The following PLA2G5 variants were observed in gnomAD, a reference collection of about 807,000 sequenced individuals.
PLA2G5 encodes phospholipase A2 group V.
A neutral mutation model predicts 15.9 loss-of-function variants in PLA2G5; 12 were observed. The ratio of observed to expected loss-of-function variants is 0.76; its 90% CI spans 0.48 to 1.23. The LOEUF is 1.23. PLA2G5 is among the 50% of genes most tolerant of loss of function. The probability of loss-of-function intolerance (pLI) is 0.00; values close to 1 mark genes in which losing one functional copy is unlikely to be tolerated. For missense variants in PLA2G5, 169 were observed against 177.1 expected, an observed-to-expected ratio of 0.95 and a Z score of 0.26; for synonymous variants, 71 against 71.4, an observed-to-expected ratio of 0.99 and a Z score of 0.03.
At chr1:20,029,076 C>T (rs536032953) in intron 1 of PLA2G5, among the ~76,000 whole-genome samples, 11 of 152,310 alleles carry the variant, frequency 7.2e-5, no homozygotes, top group South Asian at 4.1e-4. Flanking sequence ...GTTGCAAGGA[C>T]AGAGGGCTTT....
chr1:20,084,286 C>T (rs2100613063), intron 1 of PLA2G5, among the ~76,000 whole-genome samples: 1 of 152,280 alleles, frequency 6.6e-6, no homozygotes, highest in Admixed American at 6.5e-5. Flanking sequence ...AAAGAACCAT[C>T]AGGGTAGACA....
In PLA2G5 at chr1:20,084,835, A is replaced by G; in HGVS notation, c.5A>G (p.Lys2Arg). The change falls in exon 2 of 5, where the codon AAA becomes AGA. Residue 2 changes from lysine (K) to arginine (R), a missense_variant. Lys to Arg is a conservative substitution (Grantham distance 26). Coordinates refer to ENST00000375108, the MANE Select transcript of PLA2G5 (RefSeq NM_000929.3). M[K>R]GLLPLAWFLA... ...TTTTTTTCCAGAACCCCAGAGATGA[A>G]AGGCCTCCTCCCACTGGCTTGGTTC... is the stretch of plus-strand genomic sequence containing the variant. 6.2e-7 allele frequency: 1 copy of G among 1,610,370 alleles called. No individual in the cohort carries two copies. Among genetic ancestry groups the G allele is most frequent in the Non-Finnish European group, 8.5e-7 (1 of 1,176,656 alleles).
intron 1 of PLA2G5, among the ~76,000 whole-genome samples, chr1:20,078,210 CT>C (rs769358975): frequency 6.6e-6 from 1 of 152,080 alleles, no homozygotes; most frequent in Non-Finnish European, 1.5e-5. Context: ...CTATGCCAGG[CT>C]TTGGGGGTCC....
At chr1:20,074,706 C>G (rs1255586251) in intron 1 of PLA2G5, among the ~76,000 whole-genome samples, 1 of 152,230 alleles carries the variant, frequency 6.6e-6, no homozygotes, top group African/African-American at 2.4e-5. Flanking sequence ...ACAGCTCATT[C>G]AATTCCCAGG....
chr1:20,077,965 A>G (rs1318309655), intron 1 of PLA2G5, among the ~76,000 whole-genome samples: 1 of 152,192 alleles, frequency 6.6e-6, no homozygotes, highest in African/African-American at 2.4e-5. Flanking sequence ...CTGAACTCGA[A>G]TGAGCTCATC....
chr1:20,037,537 G>A (rs2013325640), intron 1 of PLA2G5, among the ~76,000 whole-genome samples: 1 of 152,198 alleles, frequency 6.6e-6, no homozygotes, highest in Non-Finnish European at 1.5e-5. Flanking sequence ...AATGCTGGTT[G>A]TGCTAGCAGT....
At chr1:20,059,299 A>G (rs1280678327) in intron 1 of PLA2G5, among the ~76,000 whole-genome samples, 2 of 152,104 alleles carry the variant, frequency 1.3e-5, no homozygotes, top group Non-Finnish European at 2.9e-5. Flanking sequence ...GTGGTGGCAC[A>G]TGCCTGTAGT....
chr1:20,050,569 C>T (rs2014132712), intron 1 of PLA2G5, among the ~76,000 whole-genome samples: 1 of 152,092 alleles, frequency 6.6e-6, no homozygotes, highest in South Asian at 2.1e-4. Context: ...TTATAAAAGG[C>T]TTATGGAAAT....
At chr1:20,087,640 C>A (rs892721282) in intron 3 of PLA2G5, among the ~76,000 whole-genome samples, 4 of 152,050 alleles carry the variant, frequency 2.6e-5, no homozygotes, top group Non-Finnish European at 5.9e-5. Context: ...ATGCCTAGAT[C>A]TAGTTTCCAA....
At chr1:20,040,812 A>G (rs2013546885) in intron 1 of PLA2G5, among the ~76,000 whole-genome samples, 1 of 152,196 alleles carries the variant, frequency 6.6e-6, no homozygotes, top group Non-Finnish European at 1.5e-5. Flanking sequence ...ACTGAGATAA[A>G]TGTGTATCTG....
intron 1 of PLA2G5, among the ~76,000 whole-genome samples, chr1:20,082,170 G>C (rs2016064513): frequency 6.6e-6 from 1 of 151,984 alleles, no homozygotes; most frequent in Non-Finnish European, 1.5e-5. Flanking sequence ...ACTTGGAAGA[G>C]GGGCCAACCA....
intron 1 of PLA2G5, among the ~76,000 whole-genome samples, chr1:20,082,787 C>T (rs547143317): frequency 1.3e-5 from 2 of 151,864 alleles, no homozygotes; most frequent in African/African-American, 2.4e-5. Flanking sequence ...GATGTCAAAG[C>T]GTCCTAAAAT....
intron 1 of PLA2G5, among the ~76,000 whole-genome samples, chr1:20,048,156 A>G (rs1322024394): frequency 6.6e-6 from 1 of 152,190 alleles, no homozygotes; most frequent in Non-Finnish European, 1.5e-5. Context: ...AAGAAAATAA[A>G]AGCTCTTGAA....
intron 3 of PLA2G5, 136 bp downstream of exon 3, chr1:20,086,363 T>A: frequency 1.0e-6 from 1 of 1,000,958 alleles, no homozygotes; most frequent in East Asian, 2.6e-5. Flanking sequence ...TCAAAGAAAT[T>A]AGCTGGCAAT....
At chr1:20,077,807 T>C (rs2015771194) in intron 1 of PLA2G5, among the ~76,000 whole-genome samples, 3 of 152,326 alleles carry the variant, frequency 2.0e-5, no homozygotes, top group East Asian at 1.9e-4. Flanking sequence ...CTCTCCTACG[T>C]TGGATCTTGG....
chr1:20,054,026 C>G (rs187727258), intron 1 of PLA2G5, among the ~76,000 whole-genome samples: 1 of 152,192 alleles, frequency 6.6e-6, no homozygotes, highest in African/African-American at 2.4e-5. Context: ...AGACTGCAAA[C>G]AAGATGCTGT....
chr1:20,084,936 G>A, intron 2 of PLA2G5, 66 bp downstream of exon 2: 2 of 1,086,390 alleles, frequency 1.8e-6, no homozygotes, highest in Admixed American at 1.7e-5. Context: ...GTGGTGAAAA[G>A]GACACCAGCC....
At chr1:20,056,429 T>A (rs2014437050) in intron 1 of PLA2G5, among the ~76,000 whole-genome samples, 1 of 152,196 alleles carries the variant, frequency 6.6e-6, no homozygotes, top group Non-Finnish European at 1.5e-5. Flanking sequence ...CATGAATAAA[T>A]GCTGGACTTT....
intron 1 of PLA2G5, among the ~76,000 whole-genome samples, chr1:20,045,590 G>T (rs1161746836): frequency 6.6e-6 from 1 of 152,206 alleles, no homozygotes; most frequent in East Asian, 1.9e-4. Flanking sequence ...GAAAGAGGTT[G>T]AGGGATAGTG....
Sources: gnomAD v4.1 joint callset for allele counts (sites outside exome capture counted in the v4.1 genomes callset) on GRCh38, gnomAD v4.1.1 for gene constraint, MANE v1.5 for transcripts, NCBI Gene and HGNC (gene_info 2026-07-23, HGNC 2026-07-21) for gene names.